Variants in ESCO1 observed in about 807,000 individuals in gnomAD.
ESCO1 encodes establishment of sister chromatid cohesion N-acetyltransferase 1.
In ESCO1, 33 loss-of-function variants were observed where a neutral mutation model predicts 83.5. That is an observed-to-expected ratio of 0.40 (90% CI 0.30 to 0.53). The LOEUF is 0.53. Ranked by LOEUF, ESCO1 falls within the 20% of genes least tolerant of loss-of-function variation. The pLI is 0.63. For synonymous variants in ESCO1, 332 were observed against 324.3 expected (o/e 1.02, Z -0.25); for missense variants, 855 against 968.0 (o/e 0.88, Z 1.55).
chr18:21,543,751 A>G (rs2037936078), intron 8 of ESCO1, among the ~76,000 whole-genome samples: 2 of 152,232 alleles, frequency 1.3e-5, no homozygotes, highest in Non-Finnish European at 1.5e-5. Context: ...AAATAAACAA[A>G]TATTACAAGG....
intron 1 of ESCO1, among the ~76,000 whole-genome samples, chr18:21,594,872 T>C (rs1404823239): frequency 6.6e-6 from 1 of 152,082 alleles, no homozygotes; most frequent in African/African-American, 2.4e-5. Flanking sequence ...GCAACAAGTA[T>C]TTGTTTAATT....
At chr18:21,564,424 T>C in intron 6 of ESCO1, 107 bp from the exon 7 acceptor site, 1 of 766,054 alleles carries the variant, frequency 1.3e-6, no homozygotes, top group Non-Finnish European at 2.0e-6. Context: ...GAAGTCTCAC[T>C]CTGTCGCCCA....
At chr18:21,556,451 G>A (rs1213611107) in intron 8 of ESCO1, among the ~76,000 whole-genome samples, 1 of 152,052 alleles carries the variant, frequency 6.6e-6, no homozygotes, top group African/African-American at 2.4e-5. Context: ...CTGGAACATG[G>A]TTTCCCTAAA....
In ESCO1 at chr18:21,588,409, T is replaced by C. The variant is rs570757573; in HGVS notation, c.-824-3969A>G. ...TAAGGAGTAGCCATTTTTTATTCCT[T>C]TACTTTGTTAATAAACTTGCTTTTA... is the stretch of plus-strand genomic sequence containing the variant. On this transcript the variant is annotated intron_variant, in intron 1 of 11. Coordinates refer to ENST00000269214, the MANE Select transcript of ESCO1 (RefSeq NM_052911.3). Among the ~76,000 whole-genome samples the C allele has an allele frequency of 1.0e-3, 153 of 151,998 alleles. 1 individual carries two copies. The highest frequency in any genetic ancestry group is 6.5e-4 in the Non-Finnish European group (44 of 67,954).
rs757705366 is a variant in ESCO1, at chr18:21,530,495, TA to T, written c.2376-6del. 1,399 of 788,634 alleles carry T rather than the reference TA, an allele frequency of 1.8e-3. No homozygotes were observed. The highest frequency in any genetic ancestry group is 4.0e-3 in the African/African-American group (100 of 25,268). The allele number at this position is 788,634 out of a possible 1,614,324, so 48.9% of individuals were successfully genotyped here. ...GAGCCATATATAAAGTTACTCCTAT[TA>T]AAAAAAAATGGGGGGGGGGAAGGGT... On this transcript the variant is annotated splice_polypyrimidine_tract_variant and splice_region_variant and intron_variant, in intron 11 of 11. Coordinates refer to ENST00000269214, the MANE Select transcript of ESCO1 (RefSeq NM_052911.3).
intron 1 of ESCO1, among the ~76,000 whole-genome samples, chr18:21,599,552 T>C (rs1009284203): frequency 6.6e-6 from 1 of 152,200 alleles, no homozygotes; most frequent in African/African-American, 2.4e-5. Context: ...AGCGCTTTTG[T>C]TTCCTGCGAA....
intron 2 of ESCO1, among the ~76,000 whole-genome samples, chr18:21,579,792 G>GCACACA (rs755372639): frequency 2.2e-5 from 3 of 134,990 alleles, no homozygotes; most frequent in Non-Finnish European, 4.6e-5. Flanking sequence ...ACACGCGCGC[G>GCACACA]CGCACACACA....
In ESCO1 at chr18:21,539,926, C is replaced by G. The variant is rs1283978367; in HGVS notation, c.2037G>C (p.Leu679=). 6.2e-7 allele frequency: 1 copy of G among 1,611,816 alleles called. No individual in the cohort carries two copies. The highest frequency in any genetic ancestry group is 1.3e-5 in the African/African-American group (1 of 74,728). ...MVLPEDPKYA[L]KKVDEIREMV... ...AGTTTCACTGGAAATTTACCTTTTTCAGGGCATACTTTGGGTCTTCAGGAA... is the reference window on the plus strand; with the variant it reads ...AGTTTCACTGGAAATTTACCTTTTTGAGGGCATACTTTGGGTCTTCAGGAA... The change falls in exon 9 of 12, where the codon CTG becomes CTC. Residue 679 remains leucine (L), a synonymous_variant. Coordinates refer to ENST00000269214, the MANE Select transcript of ESCO1 (RefSeq NM_052911.3).
intron 8 of ESCO1, among the ~76,000 whole-genome samples, chr18:21,555,528 T>C (rs1484120808): frequency 6.6e-6 from 1 of 152,198 alleles, no homozygotes; most frequent in Non-Finnish European, 1.5e-5. Context: ...GGGAACTCTC[T>C]GTACTACCTG....
chr18:21,537,556 CTAAAAA>C (rs1568091721), intron 9 of ESCO1, among the ~76,000 whole-genome samples: 2 of 152,214 alleles, frequency 1.3e-5, no homozygotes, highest in South Asian at 2.1e-4. Flanking sequence ...AAACAAAAAA[CTAAAAA>C]TAGAGTCCAA....
At position 21,574,910 on chromosome 18, in the gene ESCO1, T is replaced by A; in HGVS notation, c.-67A>T. The A allele has an allele frequency of 1.6e-6, 2 of 1,223,936 alleles. No homozygotes were observed. 75.8% of individuals were successfully genotyped at this position (1,223,936 alleles called of 1,614,324 possible). ...ATTTTTGTGTCCTGGTAGGCGTGAA[T>A]GCTGACTAGCTAGTATTATTACTGA... On this transcript the variant is annotated 5_prime_UTR_variant, in exon 4 of 12. Transcript: ENST00000269214.
intron 8 of ESCO1, among the ~76,000 whole-genome samples, chr18:21,559,096 T>C (rs1353615325): frequency 1.3e-5 from 2 of 152,224 alleles, no homozygotes; most frequent in East Asian, 1.9e-4. Context: ...CCATACACTA[T>C]AGAATACCAC....
intron 2 of ESCO1, 83 bp from the exon 3 acceptor site, chr18:21,575,860 G>A: frequency 2.5e-6 from 1 of 393,676 alleles, no homozygotes. Context: ...CAAATATAAC[G>A]CTCCATAATT....
At chr18:21,538,327 G>C (rs2037862386) in intron 9 of ESCO1, among the ~76,000 whole-genome samples, 1 of 150,252 alleles carries the variant, frequency 6.7e-6, no homozygotes, top group South Asian at 2.1e-4. Flanking sequence ...TTGGATTTTT[G>C]GCTGCATGAG....
Position 21,592,977 on chromosome 18 carries a change from C to T in ESCO1, c.-825+7646G>A, listed in dbSNP as rs528945670. 537 of 165,902 alleles carry T rather than the reference C, an allele frequency of 3.2e-3. 3 individuals are homozygous for T. The highest frequency in any genetic ancestry group is 0.031 in the South Asian group (255 of 8,220). 10.3% of individuals were successfully genotyped at this position (165,902 alleles called of 1,614,324 possible). On this transcript the variant is annotated intron_variant, in intron 1 of 11. Coordinates refer to ENST00000269214, the MANE Select transcript of ESCO1 (RefSeq NM_052911.3). Reference sequence around the variant, plus strand: ...GGGGCGGCAGGGCAGAGGCGCTCCCCACATCTCAGACGATGGGCGGCCGGG... The same window carrying T: ...GGGGCGGCAGGGCAGAGGCGCTCCCTACATCTCAGACGATGGGCGGCCGGG...
chr18:21,593,763 T>A (rs2038720549), intron 1 of ESCO1, among the ~76,000 whole-genome samples: 1 of 151,026 alleles, frequency 6.6e-6, no homozygotes, highest in Non-Finnish European at 1.5e-5. Context: ...GCTTGTCAAA[T>A]TCATAACTCC....
intron 1 of ESCO1, among the ~76,000 whole-genome samples, chr18:21,598,133 C>A (rs562133912): frequency 6.6e-6 from 1 of 152,206 alleles, no homozygotes; most frequent in East Asian, 1.9e-4. Context: ...AGAAGGTATT[C>A]CAAGAACTCT....
At chr18:21,546,306 G>C (rs1350715195) in intron 8 of ESCO1, among the ~76,000 whole-genome samples, 2 of 152,076 alleles carry the variant, frequency 1.3e-5, no homozygotes, top group Non-Finnish European at 2.9e-5. Context: ...TCCATACTTT[G>C]AGAGGTAGAG....
intron 8 of ESCO1, among the ~76,000 whole-genome samples, chr18:21,544,463 C>CA (rs1328719068): frequency 1.5e-3 from 211 of 139,646 alleles, no homozygotes; most frequent in Middle Eastern, 7.4e-3. Flanking sequence ...AAAAAAAAAA[C>CA]AAAAAAAAAA....
Sources: allele counts gnomAD v4.1 joint callset (sites outside exome capture counted in the v4.1 genomes callset), GRCh38; gene constraint gnomAD v4.1.1; transcripts MANE v1.5; gene names NCBI Gene and HGNC (gene_info 2026-07-23, HGNC 2026-07-21).